The following CELF4 variants were observed in gnomAD, a reference collection of about 807,000 sequenced individuals.
The protein encoded by CELF4 is CUG-BP- and ETR-3-like factor 4.
CELF4 carries 18 observed loss-of-function variants against 59.9 expected under a neutral mutation model. That is an observed-to-expected ratio of 0.30 (90% CI 0.21 to 0.45). The LOEUF (loss-of-function observed/expected upper bound fraction) is 0.45, where lower values mean the gene tolerates loss of function less well. Among genes scored for constraint, CELF4 ranks in the 20% least tolerant of loss-of-function variants. The pLI is 1.00. For synonymous variants in CELF4, 261 were observed against 267.1 expected (o/e 0.98, Z 0.22); for missense variants, 456 against 689.0 (o/e 0.66, Z 3.79).
chr18:37,542,132 C>T (rs1210989385), intron 1 of CELF4, among the ~76,000 whole-genome samples: 1 of 151,992 alleles, frequency 6.6e-6, no homozygotes, highest in South Asian at 2.1e-4. Flanking sequence ...AGTGGGAGCT[C>T]ATAAATGTGT....
chr18:37,272,025 T>A (rs763370612), intron 7 of CELF4, among the ~76,000 whole-genome samples: 23 of 151,968 alleles, frequency 1.5e-4, no homozygotes, highest in Non-Finnish European at 3.2e-4. Flanking sequence ...GGATCAGAGG[T>A]GAAGAGTAGT....
intron 3 of CELF4, among the ~76,000 whole-genome samples, 155 bp from the exon 4 acceptor site, chr18:37,275,398 CG>C (rs1424994928): frequency 5.7e-5 from 1 of 17,592 alleles, no homozygotes; most frequent in African/African-American, 2.3e-4. Flanking sequence ...GGGAGGGGGA[CG>C]GGGGCGGGGC....
At chr18:37,270,943 G>A (rs763514800) in intron 7 of CELF4, 26 bp from the exon 8 acceptor site, 9 of 1,571,832 alleles carry the variant, frequency 5.7e-6, no homozygotes, top group Non-Finnish European at 7.8e-6. Flanking sequence ...CAGAAGGGTG[G>A]AGGAGGAGGG....
intron 2 of CELF4, among the ~76,000 whole-genome samples, chr18:37,343,899 C>T (rs2098149454): frequency 6.6e-6 from 1 of 152,172 alleles, no homozygotes; most frequent in Admixed American, 6.5e-5. Context: ...CCCCTCACCA[C>T]GGCTGGTTCT....
At chr18:37,256,322 C>T (rs115198648) in intron 11 of CELF4, among the ~76,000 whole-genome samples, 53 of 152,316 alleles carry the variant, frequency 3.5e-4, no homozygotes, top group African/African-American at 1.2e-3. Flanking sequence ...TAAATTTACA[C>T]ATGTGCTTAT....
chr18:37,268,709 G>A (rs1039371091), intron 8 of CELF4, among the ~76,000 whole-genome samples: 4 of 152,218 alleles, frequency 2.6e-5, no homozygotes, highest in Non-Finnish European at 5.9e-5. Flanking sequence ...GCTACCTGGG[G>A]CAGGGAAACA....
chr18:37,273,266 C>G, intron 6 of CELF4, 103 bp from the exon 7 acceptor site: 1 of 1,475,960 alleles, frequency 6.8e-7, no homozygotes, highest in Non-Finnish European at 9.0e-7. Context: ...CTCTGAGCCC[C>G]AGAAGCTCCC....
intron 2 of CELF4, among the ~76,000 whole-genome samples, chr18:37,475,800 T>C (rs369228967): frequency 6.6e-6 from 1 of 152,318 alleles, no homozygotes. Context: ...TCACTCCCAA[T>C]TCCAGGAGGA....
chr18:37,456,651 C>T (rs144297194), intron 2 of CELF4, among the ~76,000 whole-genome samples: 1,629 of 152,216 alleles, frequency 0.011, 25 homozygotes, highest in Non-Finnish European at 0.012. Flanking sequence ...CTTCTTAGCC[C>T]CCATTTATAG....
chr18:37,454,713 C>T (rs1459355626), intron 2 of CELF4, among the ~76,000 whole-genome samples: 1 of 152,190 alleles, frequency 6.6e-6, no homozygotes, highest in African/African-American at 2.4e-5. Context: ...CAACATCACA[C>T]TTTGTTTAAT....
intron 2 of CELF4, among the ~76,000 whole-genome samples, chr18:37,409,975 A>G (rs1400410598): frequency 2.0e-5 from 3 of 152,164 alleles, no homozygotes; most frequent in Non-Finnish European, 4.4e-5. Context: ...CTTCTCTCTC[A>G]GGAATTTTGG....
At chr18:37,294,992 C>G (rs538310886) in intron 3 of CELF4, among the ~76,000 whole-genome samples, 1 of 152,342 alleles carries the variant, frequency 6.6e-6, no homozygotes, top group South Asian at 2.1e-4. Context: ...ATTGATGGGT[C>G]TCGGGCAGGA....
At chr18:37,293,739 AT>A (rs1355881598) in intron 3 of CELF4, among the ~76,000 whole-genome samples, 1 of 152,144 alleles carries the variant, frequency 6.6e-6, no homozygotes, top group Non-Finnish European at 1.5e-5. Flanking sequence ...AATCTATGGT[AT>A]CCTAAGAGGT....
intron 3 of CELF4, 75 bp from the exon 4 acceptor site, chr18:37,275,318 A>G: frequency 3.1e-6 from 4 of 1,294,342 alleles, no homozygotes; most frequent in Non-Finnish European, 4.1e-6. Context: ...CCGGAGGGGG[A>G]GAGCGGCAGG....
At chr18:37,530,825 G>A (rs1035166171) in intron 1 of CELF4, among the ~76,000 whole-genome samples, 20 of 151,280 alleles carry the variant, frequency 1.3e-4, no homozygotes, top group Admixed American at 8.6e-4. Context: ...CTTTTTCCTC[G>A]TTTGGGATCA....
intron 2 of CELF4, among the ~76,000 whole-genome samples, chr18:37,483,501 C>T (rs1230179973): frequency 6.6e-6 from 1 of 152,182 alleles, no homozygotes; most frequent in East Asian, 1.9e-4. Context: ...TGGCCTCTAT[C>T]TATCTTCCCC....
chr18:37,511,165 C>G (rs2099943882), intron 1 of CELF4, among the ~76,000 whole-genome samples: 1 of 152,074 alleles, frequency 6.6e-6, no homozygotes, highest in African/African-American at 2.4e-5. Flanking sequence ...CCTTAAAATC[C>G]TTGCGTGTTG....
chr18:37,405,000 A>C (rs528987252), intron 2 of CELF4, among the ~76,000 whole-genome samples: 119 of 152,228 alleles, frequency 7.8e-4, no homozygotes, highest in African/African-American at 2.7e-3. Flanking sequence ...CAAAACAAAA[A>C]AAAGTCCATC....
At chr18:37,344,616 G>A (rs2098181190) in intron 2 of CELF4, among the ~76,000 whole-genome samples, 2 of 152,250 alleles carry the variant, frequency 1.3e-5, no homozygotes, top group African/African-American at 4.8e-5. Context: ...TTGTTCCCTT[G>A]GAGTTAAAAG....
Sources: allele counts gnomAD v4.1 joint callset (sites outside exome capture counted in the v4.1 genomes callset), GRCh38; gene constraint gnomAD v4.1.1; transcripts MANE v1.5; gene names NCBI Gene and HGNC (gene_info 2026-07-23, HGNC 2026-07-21).